The following MICU2 variants were observed in gnomAD, a reference collection of about 807,000 sequenced individuals.
MICU2 encodes the protein mitochondrial calcium uptake 2, also known as calcium uptake protein 2, mitochondrial.
MICU2 carries 64 observed loss-of-function variants against 60.4 expected under a neutral mutation model. The observed-to-expected ratio is 1.06, with a 90% CI of 0.87 to 1.31. MICU2 has a LOEUF of 1.31. Among genes scored for constraint, MICU2 ranks in the 50% most tolerant of loss-of-function variants. The pLI, the probability that MICU2 is intolerant of heterozygous loss-of-function variation, is 0.00. For synonymous variants in MICU2, 201 were observed against 175.0 expected (o/e 1.15, Z -1.17); for missense variants, 569 against 531.0 (o/e 1.07, Z -0.70).
At chr13:21,563,394 AC>A (rs1462677226) in intron 2 of MICU2, among the ~76,000 whole-genome samples, 1 of 151,980 alleles carries the variant, frequency 6.6e-6, no homozygotes, top group Non-Finnish European at 1.5e-5. Flanking sequence ...GGTGGAGCTT[AC>A]AGTGAGCCAA....
At chr13:21,567,898 C>T (rs1888021852) in intron 1 of MICU2, among the ~76,000 whole-genome samples, 1 of 152,174 alleles carries the variant, frequency 6.6e-6, no homozygotes, top group South Asian at 2.1e-4. Context: ...CCACACTATC[C>T]TCCTACACAT....
Position 21,493,240 on chromosome 13 carries a change from T to C in MICU2, c.*9A>G, listed in dbSNP as rs757014653. 11 of 1,567,494 alleles carry C rather than the reference T, an allele frequency of 7.0e-6. No individual in the cohort carries two copies. The highest frequency in any genetic ancestry group is 3.6e-5 in the Admixed American group (2 of 56,126). On this transcript the variant is annotated 3_prime_UTR_variant, in exon 12 of 12. Transcript: ENST00000382374. The stretch of plus-strand genomic sequence containing the variant: ...GAACAATATAATTGCCATACTATTA[T>C]ATCTTTTATTAAAAAAGACCTTTTC...
chr13:21,567,009 A>G, intron 1 of MICU2, 65 bp from the exon 2 acceptor site: 1 of 1,367,736 alleles, frequency 7.3e-7, no homozygotes, highest in Non-Finnish European at 9.8e-7. Context: ...TTCTAGGACA[A>G]TCTTTAAAAA....
chr13:21,516,895 A>C (rs1263600850), intron 6 of MICU2, among the ~76,000 whole-genome samples: 4 of 152,246 alleles, frequency 2.6e-5, no homozygotes, highest in Non-Finnish European at 5.9e-5. Flanking sequence ...GGACCACCTA[A>C]GGAGCAACCG....
At position 21,566,923 on chromosome 13, in the gene MICU2, T is replaced by TAC; in HGVS notation, c.231_232insGT (p.Ile78ValfsTer28). 1 of 1,594,242 alleles carries TAC rather than the reference T, an allele frequency of 6.3e-7. No individual in the cohort carries two copies. The highest frequency in any genetic ancestry group is 1.4e-5 in the African/African-American group (1 of 73,554). On this transcript the variant is annotated frameshift_variant, in exon 2 of 12. Coordinates refer to ENST00000382374, the MANE Select transcript of MICU2 (RefSeq NM_152726.3). LOFTEE classifies it high-confidence loss of function. ...CGAAGAGACGGTTTCCCAATATATA[T>TAC]TATTCCATGTTCAACATTTTTCTAA...
intron 2 of MICU2, among the ~76,000 whole-genome samples, chr13:21,553,653 A>G (rs895152060): frequency 1.3e-5 from 2 of 152,232 alleles, no homozygotes; most frequent in Non-Finnish European, 2.9e-5. Flanking sequence ...AGCTAACATC[A>G]TAATGACAGG....
At chr13:21,520,472 T>C (rs1353348841) in intron 6 of MICU2, among the ~76,000 whole-genome samples, 2 of 152,248 alleles carry the variant, frequency 1.3e-5, no homozygotes, top group East Asian at 1.9e-4. Context: ...AAGTCATTTA[T>C]GTACACGCCT....
At chr13:21,530,759 C>T (rs1008578088) in intron 4 of MICU2, 3 of 590,622 alleles carry the variant, frequency 5.1e-6, no homozygotes, top group East Asian at 3.5e-5. Context: ...CCCACCCCAG[C>T]CATACCCACC....
intron 4 of MICU2, among the ~76,000 whole-genome samples, chr13:21,533,750 T>C (rs1593330633): frequency 6.6e-6 from 1 of 152,128 alleles, no homozygotes. Context: ...ACATTAAATA[T>C]GGTAATACAT....
Position 21,530,563 on chromosome 13 carries a change from ACTAT to A in MICU2, c.467-7917_467-7914del, listed in dbSNP as rs573137189. The A allele has an allele frequency of 7.2e-3, 1,416 of 195,848 alleles. 5 individuals are homozygous for A. Among genetic ancestry groups the A allele is most frequent in the Admixed American group, 0.01 (174 of 16,988 alleles). The allele number at this position is 195,848 out of a possible 1,614,324, so 12.1% of individuals were successfully genotyped here. ...TCTATGTAAATAACAAAGAAAGAAA[ACTAT>A]CTAATGAGGAAAATGTGTGTGCAGG... On this transcript the variant is annotated intron_variant, in intron 4 of 11. Coordinates refer to ENST00000382374, the MANE Select transcript of MICU2 (RefSeq NM_152726.3).
intron 2 of MICU2, among the ~76,000 whole-genome samples, chr13:21,560,713 T>C (rs1192018820): frequency 2.6e-5 from 4 of 152,206 alleles, no homozygotes; most frequent in South Asian, 2.1e-4. Flanking sequence ...ACTGAATTTA[T>C]AGATTAGGGG....
At chr13:21,537,778 C>A (rs778905767) in intron 4 of MICU2, among the ~76,000 whole-genome samples, 25 of 152,134 alleles carry the variant, frequency 1.6e-4, no homozygotes, top group Non-Finnish European at 3.1e-4. Context: ...CCGCACCTCA[C>A]CCTAAATCCT....
chr13:21,514,224 G>A, intron 7 of MICU2, 129 bp downstream of exon 7: 1 of 667,244 alleles, frequency 1.5e-6, no homozygotes, highest in Non-Finnish European at 2.5e-6. Context: ...AAAGTTATGT[G>A]GTGCATGACT....
Position 21,496,126 on chromosome 13 carries a change from T to C in MICU2, c.968A>G (p.His323Arg). 1.9e-6 allele frequency: 3 copies of C among 1,614,018 alleles called. No homozygotes were observed. The highest frequency in any genetic ancestry group is 2.5e-6 in the Non-Finnish European group (3 of 1,179,958). ...AAAGTCTTCCAAGTGGGTTGTAAAA[T>C]GGCAAAATGACTTGAATTCATCCAA... ...ISLDEFKSFC[H>R]FTTHLEDFAI... is the part of the protein sequence containing the mutation. Residue 323 changes from histidine to arginine, a missense_variant, in exon 10 of 12, where the codon CAT becomes CGT. Coordinates refer to ENST00000382374, the MANE Select transcript of MICU2 (RefSeq NM_152726.3).
chr13:21,520,861 A>T (rs1279263796), intron 6 of MICU2, among the ~76,000 whole-genome samples: 1 of 152,046 alleles, frequency 6.6e-6, no homozygotes, highest in African/African-American at 2.4e-5. Context: ...TTCTTTATGA[A>T]GGCTTAAGTT....
At chr13:21,535,956 T>C (rs762545275) in intron 4 of MICU2, among the ~76,000 whole-genome samples, 4 of 152,090 alleles carry the variant, frequency 2.6e-5, no homozygotes, top group Non-Finnish European at 4.4e-5. Context: ...TAGGAAAAAT[T>C]TGAATTTAAG....
chr13:21,603,859 G>T, intron 1 of MICU2, 80 bp downstream of exon 1: 1 of 1,511,350 alleles, frequency 6.6e-7, no homozygotes, highest in Non-Finnish European at 9.0e-7. Context: ...GAGCCGCCCA[G>T]AGCCAAACCA....
chr13:21,590,018 C>T, intron 1 of MICU2, among the ~76,000 whole-genome samples: 1 of 152,142 alleles, frequency 6.6e-6, no homozygotes, highest in East Asian at 1.9e-4. Flanking sequence ...AGTGCTATTT[C>T]TTTTGCAGCA....
At position 21,583,274 on chromosome 13, in the gene MICU2, A is replaced by G. The variant is rs533941308; in HGVS notation, c.211-16330T>C. Among the ~76,000 whole-genome samples, 289 of 152,316 alleles carry G rather than the reference A, an allele frequency of 1.9e-3. 3 individuals are homozygous for G. Among genetic ancestry groups the G allele is most frequent in the African/African-American group, 6.7e-3 (280 of 41,576 alleles). ...AGTAGAAAACAAAAACAAAAACAAA[A>G]AAGTTGCAGTATTAAATAAATAAAC... is the stretch of plus-strand genomic sequence containing the variant. On this transcript the variant is annotated intron_variant, in intron 1 of 11. Transcript: ENST00000382374.
Sources: allele counts gnomAD v4.1 joint callset (sites outside exome capture counted in the v4.1 genomes callset), GRCh38; gene constraint gnomAD v4.1.1; transcripts MANE v1.5; gene names NCBI Gene and HGNC (gene_info 2026-07-23, HGNC 2026-07-21).